The following CD99 variants were observed in gnomAD, a reference collection of about 807,000 sequenced individuals.
The protein encoded by CD99 is CD99 antigen.
Under a neutral mutation model 28.4 loss-of-function variants are expected in CD99, and 19 were observed. The observed-to-expected ratio is 0.67, with a 90% confidence interval of 0.47 to 0.98. The LOEUF (loss-of-function observed/expected upper bound fraction) is 0.98, where lower values mean the gene tolerates loss of function less well. Ranked by LOEUF, CD99 falls within the 50% of genes least tolerant of loss-of-function variation. The pLI is 0.00. For missense variants in CD99, 283 were observed against 248.8 expected, an observed-to-expected ratio of 1.14 and a Z score of -0.92; for synonymous variants, 103 against 92.1, an observed-to-expected ratio of 1.12 and a Z score of -0.67.
At chrX:2,736,999 C>G (rs781596002) in intron 8 of CD99, among the ~76,000 whole-genome samples, 92 of 151,908 alleles carry the variant, frequency 6.1e-4, no homozygotes, top group African/African-American at 1.9e-3. Context: ...GCTGGGGAAG[C>G]TCTTAGTGCT....
chrX:2,713,756 G>C (rs1263815153), intron 1 of CD99, among the ~76,000 whole-genome samples: 1 of 152,142 alleles, frequency 6.6e-6, no homozygotes, highest in Non-Finnish European at 1.5e-5. Context: ...GGGGACGCTG[G>C]ATGTTGACGA....
chrX:2,717,296 G>A (rs2048771380), intron 2 of CD99: 4 of 296,556 alleles, frequency 1.3e-5, no homozygotes, highest in Non-Finnish European at 2.5e-5. Flanking sequence ...TGTGGTGAAC[G>A]GAGACCACAC....
intron 8 of CD99, among the ~76,000 whole-genome samples, chrX:2,736,455 C>T (rs2049945712): frequency 1.3e-5 from 2 of 151,840 alleles, no homozygotes. Flanking sequence ...TACGCGTTTC[C>T]AATTCTGTTG....
intron 8 of CD99, among the ~76,000 whole-genome samples, chrX:2,727,513 G>A (rs2049356382): frequency 1.3e-5 from 2 of 152,250 alleles, no homozygotes; most frequent in South Asian, 2.1e-4. Context: ...GTTTCGCTCT[G>A]TTGCCCAGGC....
intron 1 of CD99, among the ~76,000 whole-genome samples, chrX:2,705,487 C>T (rs1433903757): frequency 6.6e-6 from 1 of 152,132 alleles, no homozygotes; most frequent in Non-Finnish European, 1.5e-5. Flanking sequence ...GACAAATACA[C>T]ATTGTATGTG....
chrX:2,717,213 T>C (rs1322844052), intron 2 of CD99, among the ~76,000 whole-genome samples: 2 of 152,030 alleles, frequency 1.3e-5, no homozygotes, highest in African/African-American at 4.8e-5. Flanking sequence ...CCGGGAGTGA[T>C]GGCATGCACC....
At chrX:2,714,597 A>G (rs2048597840) in intron 2 of CD99, 143 bp downstream of exon 2, 2 of 649,166 alleles carry the variant, frequency 3.1e-6, no homozygotes, top group Admixed American at 5.0e-5. Context: ...CCCAGTACAT[A>G]TAAATGTTAT....
intron 8 of CD99, chrX:2,733,259 C>G (rs2049765640): frequency 1.6e-6 from 2 of 1,274,298 alleles, no homozygotes; most frequent in Middle Eastern, 1.8e-4. Flanking sequence ...TCTAACACCT[C>G]CCTGCTGCTG....
rs1317575078 is a variant in CD99, at chrX:2,691,397, G to C, written c.37G>C (p.Gly13Arg). The change falls in exon 1 of 10, where the codon GGC becomes CGC. Residue 13 changes from glycine (G) to arginine (R), a missense_variant. Transcript: ENST00000381192. ...RGAALALLLF[G>R]LLGVLVAAPD... ...GGCTGCGCTGGCGCTGCTGCTCTTCGGCCTGCTGGGTGTTCTGGTCGCCGC... is the reference window on the plus strand; with the variant it reads ...GGCTGCGCTGGCGCTGCTGCTCTTCCGCCTGCTGGGTGTTCTGGTCGCCGC... The C allele has an allele frequency of 6.3e-7, 1 of 1,584,372 alleles. No individual in the cohort carries two copies. The highest frequency in any genetic ancestry group is 1.1e-5 in the South Asian group (1 of 89,034).
At chrX:2,698,825 G>A (rs1376483830) in intron 1 of CD99, among the ~76,000 whole-genome samples, 2 of 152,156 alleles carry the variant, frequency 1.3e-5, no homozygotes, top group East Asian at 3.9e-4. Context: ...TGCTGACCTA[G>A]ATCCGAGGTT....
chrX:2,728,611 AG>A (rs2049421009), intron 8 of CD99, among the ~76,000 whole-genome samples: 1 of 152,192 alleles, frequency 6.6e-6, no homozygotes. Context: ...AAAAGCAAAC[AG>A]CATAACATTC....
chrX:2,699,402 T>A (rs2047736829), intron 1 of CD99, among the ~76,000 whole-genome samples: 1 of 151,784 alleles, frequency 6.6e-6, no homozygotes, highest in South Asian at 2.1e-4. Context: ...ACTCCTGACG[T>A]CGTGATCTGC....
At chrX:2,714,595 A>T in intron 2 of CD99, 141 bp downstream of exon 2, 1 of 660,702 alleles carries the variant, frequency 1.5e-6, no homozygotes, top group Admixed American at 2.5e-5. Flanking sequence ...TTCCCAGTAC[A>T]TATAAATGTT....
chrX:2,723,184 G>C (rs1257782671), intron 6 of CD99, 130 bp from the exon 7 acceptor site: 1 of 922,748 alleles, frequency 1.1e-6, no homozygotes, highest in Non-Finnish European at 1.8e-6. Flanking sequence ...CAGGACCCCA[G>C]CTCTGTAGCT....
Position 2,738,205 on chromosome X carries a change from C to G in CD99, c.481C>G (p.Gln161Glu). The change falls in exon 9 of 10, where the codon CAA becomes GAA. Residue 161 changes from glutamine to glutamate, a missense_variant. Coordinates refer to ENST00000381192, the MANE Select transcript of CD99 (RefSeq NM_002414.5). ...TATTTTCTTCTTCTTTTCAGCAGAA[C>G]AAGGGGAGGTGGACATGGAGAGCCA... ...KKLCFKENAE[Q>E]GEVDMESHRN... 6.2e-7 allele frequency: 1 copy of G among 1,613,782 alleles called. No homozygotes were observed. Among genetic ancestry groups the G allele is most frequent in the Admixed American group, 1.7e-5 (1 of 59,990 alleles).
At chrX:2,699,692 A>G (rs1011100445) in intron 1 of CD99, among the ~76,000 whole-genome samples, 10 of 152,156 alleles carry the variant, frequency 6.6e-5, no homozygotes, top group African/African-American at 2.4e-4. Context: ...CCTGAGTTCA[A>G]GCCATCCACC....
chrX:2,718,448 A>G (rs753937520), intron 3 of CD99, among the ~76,000 whole-genome samples: 1 of 149,730 alleles, frequency 6.7e-6, no homozygotes, highest in African/African-American at 2.5e-5. Flanking sequence ...GGCTCACTGC[A>G]AGCTCCGCTT....
chrX:2,737,052 G>A (rs1297536675), intron 8 of CD99, among the ~76,000 whole-genome samples: 2 of 151,974 alleles, frequency 1.3e-5, no homozygotes, highest in Non-Finnish European at 2.9e-5. Context: ...GGAGGTAGAA[G>A]GGGGGACAGG....
chrX:2,730,049 G>T lies in CD99; in HGVS notation c.475+3676G>T, dbSNP rs764729399. On this transcript the variant is annotated intron_variant, in intron 8 of 9. Transcript: ENST00000381192. ...CCTGCCTGTGGTCCCAACTACTCTGGAGGCCGAGGTGTGAGGATTGCTTGA... is the reference window on the plus strand; with the variant it reads ...CCTGCCTGTGGTCCCAACTACTCTGTAGGCCGAGGTGTGAGGATTGCTTGA... Among the ~76,000 whole-genome samples, 12 of 152,278 alleles carry T rather than the reference G, an allele frequency of 7.9e-5. No individual in the cohort carries two copies. In the South Asian group the frequency reaches 2.5e-3, roughly 32 times the overall value.
Sources: allele counts gnomAD v4.1 joint callset (sites outside exome capture counted in the v4.1 genomes callset), GRCh38; gene constraint gnomAD v4.1.1; transcripts MANE v1.5; gene names NCBI Gene and HGNC (gene_info 2026-07-23, HGNC 2026-07-21).